The following POGLUT2 variants were observed in gnomAD, a reference collection of about 807,000 sequenced individuals.
POGLUT2 encodes protein O-glucosyltransferase 2.
POGLUT2 carries 47 observed loss-of-function variants against 57.6 expected under a neutral mutation model. The observed-to-expected ratio is 0.82, with a 90% CI of 0.65 to 1.04. POGLUT2 has a LOEUF of 1.04. POGLUT2 is among the 50% of genes least tolerant of loss of function. The pLI is 0.00. For synonymous variants in POGLUT2, 200 were observed against 218.8 expected (o/e 0.91, Z 0.76); for missense variants, 565 against 614.8 (o/e 0.92, Z 0.86).
intron 1 of POGLUT2, among the ~76,000 whole-genome samples, chr13:102,797,703 C>G (rs1302132461): frequency 4.6e-5 from 7 of 151,978 alleles, no homozygotes; most frequent in Non-Finnish European, 8.8e-5. Flanking sequence ...GATTGCACCA[C>G]TGCACTCCAG....
At chr13:102,788,761 C>T (rs900507215) in intron 7 of POGLUT2, among the ~76,000 whole-genome samples, 2 of 152,242 alleles carry the variant, frequency 1.3e-5, no homozygotes, top group Non-Finnish European at 2.9e-5. Context: ...GCTGGGATTA[C>T]AGGCACGAGC....
intron 3 of POGLUT2, 40 bp from the exon 4 acceptor site, chr13:102,793,458 C>T (rs778475066): frequency 2.5e-5 from 34 of 1,372,340 alleles, no homozygotes; most frequent in East Asian, 2.1e-4. Context: ...AGTCTAAAGA[C>T]GCTGGCAGAC....
chr13:102,786,357 T>C lies in POGLUT2; in HGVS notation c.1384-18A>G. 5 of 1,493,618 alleles carry C rather than the reference T, an allele frequency of 3.3e-6. No individual in the cohort carries two copies. Among genetic ancestry groups the C allele is most frequent in the Non-Finnish European group, 4.7e-6 (5 of 1,070,168 alleles). 92.5% of individuals were successfully genotyped at this position (1,493,618 alleles called of 1,614,324 possible). A position where few individuals can be genotyped will look rare whatever the true frequency, so the allele number is the denominator to read the frequency against. On this transcript the variant is annotated intron_variant, in intron 8 of 9. Transcript: ENST00000376004. ...GCATATTCCTGTTTAAGCAACAATA[T>C]AAAAGCATTCCTTATAAAACACTTT...
intron 8 of POGLUT2, 48 bp from the exon 9 acceptor site, chr13:102,786,387 C>T (rs1339891598): frequency 8.6e-7 from 1 of 1,167,198 alleles, no homozygotes. Context: ...CACTTTATAT[C>T]CACCCAATGA....
rs1414138304 is a variant in POGLUT2 at position 102,790,922 on chromosome 13, AAT to A, written c.1060_1061del (p.Ile354PhefsTer4). 3 of 1,608,354 alleles carry A rather than the reference AAT, an allele frequency of 1.9e-6. No individual in the cohort carries two copies. The highest frequency in any genetic ancestry group is 2.6e-6 in the Non-Finnish European group (3 of 1,174,804). ...ENLYGPIVKH[I>X]SFFDFFKHKY... ...ATACCTTGAAGAAATCAAAAAATGA[AAT>A]ATGTTTCACAATGGGACCATACAGG... is the stretch of plus-strand genomic sequence containing the variant. On this transcript the variant is annotated frameshift_variant, in exon 6 of 10. Coordinates refer to ENST00000376004, the MANE Select transcript of POGLUT2 (RefSeq NM_024089.3). LOFTEE classifies it high-confidence loss of function.
chr13:102,794,920 G>C (rs1292499442), intron 2 of POGLUT2, among the ~76,000 whole-genome samples: 1 of 148,640 alleles, frequency 6.7e-6, no homozygotes, highest in Non-Finnish European at 1.5e-5. Flanking sequence ...AATAAACAAG[G>C]AACTGCTATT....
At chr13:102,790,637 T>C (rs2139089243) in intron 6 of POGLUT2, among the ~76,000 whole-genome samples, 1 of 152,310 alleles carries the variant, frequency 6.6e-6, no homozygotes, top group East Asian at 1.9e-4. Flanking sequence ...GACATGTGCT[T>C]ATCTCAAGGG....
intron 6 of POGLUT2, among the ~76,000 whole-genome samples, chr13:102,790,072 G>A (rs1306643861): frequency 6.6e-6 from 1 of 152,224 alleles, no homozygotes; most frequent in Non-Finnish European, 1.5e-5. Flanking sequence ...CTCCACTGAG[G>A]AAGGTTGGCT....
At chr13:102,793,515 T>C in intron 3 of POGLUT2, 86 bp downstream of exon 3, 1 of 1,371,882 alleles carries the variant, frequency 7.3e-7, no homozygotes, top group East Asian at 2.3e-5. Flanking sequence ...ATGATGTTTA[T>C]AAAATGATTT....
chr13:102,792,870 G>A (rs1878233327), intron 4 of POGLUT2, among the ~76,000 whole-genome samples: 1 of 152,184 alleles, frequency 6.6e-6, no homozygotes, highest in Non-Finnish European at 1.5e-5. Flanking sequence ...CTCGGCTCAT[G>A]CAGCCTCGAC....
chr13:102,785,246 C>T (rs1877894014), intron 9 of POGLUT2, among the ~76,000 whole-genome samples: 1 of 152,034 alleles, frequency 6.6e-6, no homozygotes. Flanking sequence ...TGCAAAATTC[C>T]TGAATATTTA....
rs772609979 is a variant in POGLUT2 at position 102,790,957 on chromosome 13, C to T, written c.1027G>A (p.Asp343Asn). ...ACAATGGGACCATACAGGTTTTCAT[C>T]GTGTTTAAAGAAGAAAAAGTTGGTG... is the stretch of plus-strand genomic sequence containing the variant. ...AFTNFFFFKH[D>N]ENLYGPIVKH... The change falls in exon 6 of 10, where the codon GAT becomes AAT. Residue 343 changes from aspartate to asparagine, a missense_variant. By Grantham distance (23) the Asp-to-Asn change is conservative. Coordinates refer to ENST00000376004, the MANE Select transcript of POGLUT2 (RefSeq NM_024089.3). The T allele has an allele frequency of 3.7e-6, 6 of 1,613,786 alleles. No homozygotes were observed. The Admixed American group carries it at 5.0e-5, about 13-fold the overall frequency.
chr13:102,788,832 G>A (rs1486532391), intron 7 of POGLUT2, among the ~76,000 whole-genome samples, 180 bp downstream of exon 7: 1 of 152,136 alleles, frequency 6.6e-6, no homozygotes, highest in African/African-American at 2.4e-5. Context: ...GTAAGATGCA[G>A]TGCCCGCTGT....
At chr13:102,786,821 C>T (rs1415785826) in intron 8 of POGLUT2, among the ~76,000 whole-genome samples, 1 of 152,032 alleles carries the variant, frequency 6.6e-6, no homozygotes, top group African/African-American at 2.4e-5. Flanking sequence ...GTAAATCCCC[C>T]CAGTTTATTC....
At chr13:102,797,814 A>G (rs114242080) in intron 1 of POGLUT2, among the ~76,000 whole-genome samples, 3,091 of 152,222 alleles carry the variant, frequency 0.02, 122 homozygotes, top group African/African-American at 0.07. Context: ...TTGCCAAATA[A>G]CAAAATTTAC....
Position 102,791,442 on chromosome 13 carries a change from A to C in POGLUT2, c.673-12T>G. The C allele has an allele frequency of 6.4e-7, 1 of 1,572,590 alleles. No homozygotes were observed. The highest frequency in any genetic ancestry group is 8.6e-7 in the Non-Finnish European group (1 of 1,166,422). On this transcript the variant is annotated splice_polypyrimidine_tract_variant and intron_variant, in intron 4 of 9. Coordinates refer to ENST00000376004, the MANE Select transcript of POGLUT2 (RefSeq NM_024089.3). The stretch of plus-strand genomic sequence containing the variant: ...TCTGGCATCTTCACCTAGAAAAAAC[A>C]AAACGAGGAGCTTATTCACATTTCC...
At chr13:102,793,045 GGATTACAGGCGTGA>G (rs1878242044) in intron 4 of POGLUT2, 1 of 282,150 alleles carries the variant, frequency 3.5e-6, no homozygotes, top group Admixed American at 4.8e-5. Context: ...TAAAGTGCTA[GGATTACAGGCGTGA>G]GCCATGGCAC....
chr13:102,789,837 A>G (rs533859164), intron 6 of POGLUT2, among the ~76,000 whole-genome samples: 1 of 152,338 alleles, frequency 6.6e-6, no homozygotes, highest in African/African-American at 2.4e-5. Flanking sequence ...AACTCAGGTG[A>G]TCTGCCTGCC....
chr13:102,794,047 G>A (rs1878283978), intron 2 of POGLUT2, among the ~76,000 whole-genome samples: 2 of 151,968 alleles, frequency 1.3e-5, no homozygotes, highest in South Asian at 4.2e-4. Flanking sequence ...GGAGCAGCCT[G>A]GGCAACACAG....
Sources: gnomAD v4.1 joint callset for allele counts (sites outside exome capture counted in the v4.1 genomes callset) on GRCh38, gnomAD v4.1.1 for gene constraint, MANE v1.5 for transcripts, NCBI Gene and HGNC (gene_info 2026-07-23, HGNC 2026-07-21) for gene names.